The following FHIT variants were observed in gnomAD, a reference collection of about 807,000 sequenced individuals.
FHIT encodes the protein fragile histidine triad diadenosine triphosphatase, also known as bis(5'-adenosyl)-triphosphatase.
FHIT carries 19 observed loss-of-function variants against 17.9 expected under a neutral mutation model. The observed-to-expected ratio is 1.06, with a 90% confidence interval of 0.74 to 1.56. FHIT has a LOEUF of 1.56. Among genes scored for constraint, FHIT ranks in the 40% most tolerant of loss-of-function variants. The pLI, the probability that FHIT is intolerant of heterozygous loss-of-function variation, is 0.00. For missense variants in FHIT, 248 were observed against 189.2 expected (o/e 1.31, Z -1.82); for synonymous variants, 81 against 69.7 (o/e 1.16, Z -0.81).
At chr3:60,565,081 C>T (rs1348402636) in intron 4 of FHIT, among the ~76,000 whole-genome samples, 1 of 152,084 alleles carries the variant, frequency 6.6e-6, no homozygotes, top group African/African-American at 2.4e-5. Flanking sequence ...TGAGGCAAGA[C>T]CTTCCCATTT....
chr3:60,590,666 C>T (rs1255233386), intron 4 of FHIT, among the ~76,000 whole-genome samples: 2 of 152,132 alleles, frequency 1.3e-5, no homozygotes, highest in African/African-American at 4.8e-5. Context: ...CCTAAAAAAT[C>T]TTATTCCATT....
At chr3:60,707,029 C>T (rs909462076) in intron 4 of FHIT, among the ~76,000 whole-genome samples, 2 of 152,206 alleles carry the variant, frequency 1.3e-5, no homozygotes, top group Middle Eastern at 3.2e-3. Flanking sequence ...CCTTCTGATT[C>T]TTTTCACATG....
In FHIT at chr3:60,262,682, TA is replaced by T. The variant is rs147788923; in HGVS notation, c.104-248531del. ...CTAAGATTAGAACTCTTTTTACCCC[TA>T]AAACTGCTAGACGCTGAAATAAACA... On this transcript the variant is annotated intron_variant, in intron 5 of 9. Coordinates refer to ENST00000492590, the MANE Select transcript of FHIT (RefSeq NM_002012.4). 5.2e-3 allele frequency among the ~76,000 whole-genome samples: 790 copies of T among 152,044 alleles called. 5 individuals carry two copies. The highest frequency in any genetic ancestry group is 8.8e-3 in the Non-Finnish European group (600 of 67,930).
chr3:60,790,324 AC>A (rs1329397050), intron 4 of FHIT, among the ~76,000 whole-genome samples: 4 of 152,208 alleles, frequency 2.6e-5, no homozygotes, highest in Non-Finnish European at 5.9e-5. Context: ...GTCAAAATTA[AC>A]CTTTGCCTAT....
chr3:60,935,574 T>A (rs1320952968), intron 3 of FHIT, among the ~76,000 whole-genome samples: 2 of 152,198 alleles, frequency 1.3e-5, no homozygotes, highest in Non-Finnish European at 2.9e-5. Flanking sequence ...GCCCCACACA[T>A]GAGCCTGCTC....
At chr3:59,831,324 C>T (rs1462934707) in intron 8 of FHIT, among the ~76,000 whole-genome samples, 1 of 152,030 alleles carries the variant, frequency 6.6e-6, no homozygotes, top group Admixed American at 6.6e-5. Flanking sequence ...TTTCTGAGTG[C>T]TTGCCATGTG....
Position 61,241,459 on chromosome 3 carries a change from A to C in FHIT, c.-213+9842T>G, listed in dbSNP as rs1406535511. Among the ~76,000 whole-genome samples, 3 of 152,220 alleles carry C rather than the reference A, an allele frequency of 2.0e-5. No homozygotes were observed. In the South Asian group the frequency reaches 6.2e-4, roughly 32 times the overall value. ...TTTTCAAAACTAAGATGTGGGAAGA[A>C]GACTTCTCAGAAAATAAAAATCTTG... On this transcript the variant is annotated intron_variant, in intron 1 of 9. Transcript: ENST00000492590.
rs150731030 is a variant in FHIT at position 60,197,427 on chromosome 3, C to T, written c.104-183275G>A. Among the ~76,000 whole-genome samples the T allele has an allele frequency of 2.0e-5, 3 of 152,254 alleles. No homozygotes were observed. In the East Asian group the frequency reaches 5.8e-4, roughly 29 times the overall value. ...TTCTGTAATATGGCAACTCAAAAAT[C>T]TCATGTGCCTTGCATTATATTTATT... On this transcript the variant is annotated intron_variant, in intron 5 of 9. Coordinates refer to ENST00000492590, the MANE Select transcript of FHIT (RefSeq NM_002012.4).
At chr3:60,764,308 TA>T (rs1250216076) in intron 4 of FHIT, among the ~76,000 whole-genome samples, 4 of 152,134 alleles carry the variant, frequency 2.6e-5, no homozygotes, top group African/African-American at 9.7e-5. Context: ...AAAATGGTTT[TA>T]TAACAATCCA....
At chr3:60,657,000 CAAAT>C (rs2040132348) in intron 4 of FHIT, among the ~76,000 whole-genome samples, 1 of 150,352 alleles carries the variant, frequency 6.7e-6, no homozygotes, top group South Asian at 2.1e-4. Context: ...ACATCCAGGA[CAAAT>C]AAAAGCCAAA....
chr3:60,409,996 C>T (rs75354319), intron 5 of FHIT, among the ~76,000 whole-genome samples: 2 of 152,142 alleles, frequency 1.3e-5, no homozygotes, highest in African/African-American at 4.8e-5. Context: ...ACAAAAACAA[C>T]ACCCTAACAG....
chr3:60,189,246 G>T (rs1400050974), intron 5 of FHIT, among the ~76,000 whole-genome samples: 3 of 151,650 alleles, frequency 2.0e-5, no homozygotes, highest in Non-Finnish European at 2.9e-5. Flanking sequence ...GGGGTGGGGG[G>T]GAAAGAGGAG....
chr3:60,597,935 C>G (rs891306889), intron 4 of FHIT, among the ~76,000 whole-genome samples: 2 of 152,056 alleles, frequency 1.3e-5, no homozygotes, highest in African/African-American at 4.8e-5. Flanking sequence ...AAATAAGCAA[C>G]ATCAGAGAGA....
intron 4 of FHIT, among the ~76,000 whole-genome samples, chr3:60,579,794 C>T (rs925314009): frequency 6.6e-6 from 1 of 152,050 alleles, no homozygotes; most frequent in Middle Eastern, 3.2e-3. Context: ...TCTATGTCAG[C>T]AGATACTTCA....
intron 4 of FHIT, among the ~76,000 whole-genome samples, chr3:60,766,508 G>A (rs1375417686): frequency 1.3e-5 from 2 of 152,118 alleles, no homozygotes; most frequent in Non-Finnish European, 2.9e-5. Context: ...AATTCTTCCT[G>A]TATAGAAGCT....
intron 5 of FHIT, among the ~76,000 whole-genome samples, chr3:60,444,106 C>T (rs2031140485): frequency 6.6e-6 from 1 of 152,186 alleles, no homozygotes; most frequent in Non-Finnish European, 1.5e-5. Context: ...CTTATCATCA[C>T]TTGCCATCAG....
chr3:60,661,952 T>C (rs1577041467), intron 4 of FHIT, among the ~76,000 whole-genome samples: 1 of 152,336 alleles, frequency 6.6e-6, no homozygotes, highest in East Asian at 1.9e-4. Context: ...TTCTGGATAT[T>C]GGTCCTCTGT....
At chr3:60,235,320 T>C (rs1469846946) in intron 5 of FHIT, among the ~76,000 whole-genome samples, 1 of 150,012 alleles carries the variant, frequency 6.7e-6, no homozygotes, top group African/African-American at 2.5e-5. Flanking sequence ...AACCTCCGCC[T>C]CCTGGGTTCA....
At chr3:61,019,091 G>C (rs1297053523) in intron 3 of FHIT, among the ~76,000 whole-genome samples, 4 of 151,628 alleles carry the variant, frequency 2.6e-5, no homozygotes, top group Non-Finnish European at 5.9e-5. Flanking sequence ...TAGGCTGTCT[G>C]GCCTTCCTTA....
Sources: allele counts gnomAD v4.1 joint callset (sites outside exome capture counted in the v4.1 genomes callset), GRCh38; gene constraint gnomAD v4.1.1; transcripts MANE v1.5; gene names NCBI Gene and HGNC (gene_info 2026-07-23, HGNC 2026-07-21).